MPDZ: variants seen among roughly 807,000 people sequenced by gnomAD.
The protein encoded by MPDZ is multiple PDZ domain crumbs cell polarity complex component.
MPDZ carries 234 observed loss-of-function variants against 239.1 expected under a neutral mutation model. The ratio of observed to expected loss-of-function variants is 0.98; its 90% CI spans 0.88 to 1.09. The LOEUF is 1.09. MPDZ is among the 50% of genes least tolerant of loss of function. MPDZ has a pLI of 0.00. For missense variants in MPDZ, 3,175 were observed against 2,510.0 expected, an observed-to-expected ratio of 1.26 and a Z score of -5.66; for synonymous variants, 1,048 against 881.3, an observed-to-expected ratio of 1.19 and a Z score of -3.35.
At chr9:13,242,387 G>A (rs573473401) in intron 3 of MPDZ, among the ~76,000 whole-genome samples, 12 of 151,486 alleles carry the variant, frequency 7.9e-5, no homozygotes, top group East Asian at 2.0e-4. Context: ...GAACACGCTC[G>A]GCTAATTTTT....
chr9:13,127,508 G>A (rs1226535969), intron 32 of MPDZ, among the ~76,000 whole-genome samples: 1 of 152,056 alleles, frequency 6.6e-6, no homozygotes, highest in Non-Finnish European at 1.5e-5. Context: ...CATTGCCAGA[G>A]CTAGCCACCT....
intron 3 of MPDZ, 88 bp downstream of exon 3, chr9:13,247,545 CAT>C: frequency 7.2e-7 from 1 of 1,394,662 alleles, no homozygotes. Context: ...TTCATTAACA[CAT>C]AGAAAAATCA....
At chr9:13,261,597 G>A (rs904335265) in intron 1 of MPDZ, among the ~76,000 whole-genome samples, 1 of 152,156 alleles carries the variant, frequency 6.6e-6, no homozygotes, top group African/African-American at 2.4e-5. Context: ...TCCTACAGGA[G>A]AGATAGTTAC....
At chr9:13,198,731 CTCTCTCTGTGTG>C (rs1428320369) in intron 12 of MPDZ, among the ~76,000 whole-genome samples, 375 of 4,436 alleles carry the variant, frequency 0.085, 5 homozygotes, top group East Asian at 0.38. Flanking sequence ...TCTTTAATCT[CTCTCTCTGTGTG>C]TGTGTGTGTG....
intron 12 of MPDZ, among the ~76,000 whole-genome samples, chr9:13,196,507 G>A (rs1375302681): frequency 6.6e-6 from 1 of 152,048 alleles, no homozygotes; most frequent in East Asian, 1.9e-4. Context: ...AACGAGTAAG[G>A]ACTCTGAGCA....
chr9:13,163,613 T>C lies in MPDZ; in HGVS notation c.3255-818A>G, dbSNP rs115694632. Among the ~76,000 whole-genome samples the C allele has an allele frequency of 3.6e-3, 554 of 152,242 alleles. 7 individuals are homozygous for C. Among genetic ancestry groups the C allele is most frequent in the African/African-American group, 0.013 (532 of 41,550 alleles). ...TGGACATACTTTTTAAAGTAAACTG[T>C]TTCAAGATCTTCAAATTAATGAATA... is the stretch of plus-strand genomic sequence containing the variant. On this transcript the variant is annotated intron_variant, in intron 22 of 46. Coordinates refer to ENST00000319217, the MANE Select transcript of MPDZ (RefSeq NM_001378778.1).
rs759980012 is a variant in MPDZ, at chr9:13,188,978, C to G, written c.2170G>C (p.Ala724Pro). ...ILDYQDPIDP[A>P]STVIIIRSLV... ...GAACGAATTATAATCACAGTGCTTG[C>G]TGGATCAATTGGATCCTGACAGAAG... The change falls in exon 17 of 47, where the codon GCA (alanine) becomes CCA (proline). Residue 724 changes from alanine to proline, a missense_variant. Coordinates refer to ENST00000319217, the MANE Select transcript of MPDZ (RefSeq NM_001378778.1). The G allele has an allele frequency of 6.2e-7, 1 of 1,612,890 alleles. No individual in the cohort carries two copies. Among genetic ancestry groups the G allele is most frequent in the South Asian group, 1.1e-5 (1 of 91,026 alleles).
At chr9:13,196,789 A>C (rs1564007398) in intron 12 of MPDZ, among the ~76,000 whole-genome samples, 1 of 152,036 alleles carries the variant, frequency 6.6e-6, no homozygotes, top group Admixed American at 6.6e-5. Context: ...AATTTTTAAA[A>C]GGACAGAAAA....
At chr9:13,265,791 G>A (rs1171321564) in intron 1 of MPDZ, among the ~76,000 whole-genome samples, 1 of 152,168 alleles carries the variant, frequency 6.6e-6, no homozygotes, top group African/African-American at 2.4e-5. Context: ...TGGCTTGTCA[G>A]TTGTGACTGA....
chr9:13,114,131 C>A (rs1586885585), intron 40 of MPDZ, 110 bp from the exon 41 acceptor site: 1 of 847,230 alleles, frequency 1.2e-6, no homozygotes, highest in East Asian at 2.7e-5. Context: ...GCAACAGTGG[C>A]ATTTGATAAT....
At chr9:13,256,956 T>C (rs1392230808) in intron 1 of MPDZ, among the ~76,000 whole-genome samples, 2 of 152,132 alleles carry the variant, frequency 1.3e-5, no homozygotes, top group African/African-American at 4.8e-5. Context: ...TAGACCTGTA[T>C]ATATGGGGTA....
At chr9:13,269,539 G>C (rs1972509679) in intron 1 of MPDZ, among the ~76,000 whole-genome samples, 1 of 152,082 alleles carries the variant, frequency 6.6e-6, no homozygotes, top group Non-Finnish European at 1.5e-5. Context: ...AATAAAATTT[G>C]CCATGATCCT....
intron 19 of MPDZ, among the ~76,000 whole-genome samples, chr9:13,178,037 C>T (rs1054186839): frequency 6.6e-6 from 1 of 151,978 alleles, no homozygotes; most frequent in Non-Finnish European, 1.5e-5. Flanking sequence ...ATCTCCTGAC[C>T]TCGTGATTCG....
At chr9:13,239,637 A>ACAGT (rs1295086830) in intron 3 of MPDZ, among the ~76,000 whole-genome samples, 8 of 152,146 alleles carry the variant, frequency 5.3e-5, no homozygotes, top group Non-Finnish European at 1.2e-4. Flanking sequence ...ATAATGAATG[A>ACAGT]CAGTTTTGAA....
chr9:13,222,375 T>C lies in MPDZ; in HGVS notation c.605A>G (p.His202Arg). 1 of 1,612,922 alleles carries C rather than the reference T, an allele frequency of 6.2e-7. No homozygotes were observed. Among genetic ancestry groups the C allele is most frequent in the Middle Eastern group, 1.7e-4 (1 of 6,016 alleles). ...NGQALDQTIT[H>R]QQAISILQKA... ...CTGCAGGATGCTGATAGCCTGCTGA[T>C]GTGTAATTGTCTGATCAAGAGCCTG... The change falls in exon 6 of 47, where the codon CAT becomes CGT. Residue 202 changes from histidine to arginine, a missense_variant. His to Arg is a conservative substitution (Grantham distance 29, BLOSUM62 0). Transcript: ENST00000319217.
chr9:13,157,040 G>GTT (rs58703490), intron 24 of MPDZ, among the ~76,000 whole-genome samples: 2 of 151,892 alleles, frequency 1.3e-5, no homozygotes, highest in South Asian at 2.1e-4. Context: ...ATAAAATAGT[G>GTT]TTTTTTATAT....
At position 13,229,516 on chromosome 9, in the gene MPDZ, TA is replaced by T. The variant is rs1166795034; in HGVS notation, c.184-4934del. ...AAGGTCAGATGTTAACAAGATGATT[TA>T]AAAAAAAAAAAAGATAAAAATACCT... is the stretch of plus-strand genomic sequence containing the variant. On this transcript the variant is annotated intron_variant, in intron 3 of 46. Transcript: ENST00000319217. Among the ~76,000 whole-genome samples, 677 of 140,808 alleles carry T rather than the reference TA, an allele frequency of 4.8e-3. 3 individuals carry two copies. Among genetic ancestry groups the T allele is most frequent in the African/African-American group, 0.011 (405 of 38,564 alleles). The allele number at this position is 140,808 out of a possible 152,430, so 92.4% of individuals were successfully genotyped here.
At chr9:13,260,812 T>C (rs1265327574) in intron 1 of MPDZ, among the ~76,000 whole-genome samples, 4 of 152,208 alleles carry the variant, frequency 2.6e-5, no homozygotes, top group Non-Finnish European at 4.4e-5. Context: ...ACCTTGATCT[T>C]AGACCTTTCA....
At chr9:13,241,030 A>G (rs1382084706) in intron 3 of MPDZ, among the ~76,000 whole-genome samples, 1 of 152,162 alleles carries the variant, frequency 6.6e-6, no homozygotes, top group Non-Finnish European at 1.5e-5. Context: ...GCACTGTATA[A>G]AAAGCTTGAA....
Sources: allele counts gnomAD v4.1 joint callset (sites outside exome capture counted in the v4.1 genomes callset), GRCh38; gene constraint gnomAD v4.1.1; transcripts MANE v1.5; gene names NCBI Gene and HGNC (gene_info 2026-07-23, HGNC 2026-07-21).